Variants in EPC1 observed in about 807,000 individuals in gnomAD.
EPC1 encodes enhancer of polycomb homolog 1.
A neutral mutation model predicts 98.4 loss-of-function variants in EPC1; 12 were observed. That is an observed-to-expected ratio of 0.12 (90% CI 0.08 to 0.20). The LOEUF (loss-of-function observed/expected upper bound fraction) is 0.20. EPC1 is among the 10% of genes least tolerant of loss of function. The pLI, the probability that EPC1 is intolerant of heterozygous loss-of-function variation, is 1.00. For synonymous variants in EPC1, 357 were observed against 363.9 expected, an observed-to-expected ratio of 0.98 and a Z score of 0.21; for missense variants, 729 against 990.5, an observed-to-expected ratio of 0.74 and a Z score of 3.54.
At chr10:32,326,290 G>A (rs1013015117) in intron 1 of EPC1, among the ~76,000 whole-genome samples, 2 of 152,098 alleles carry the variant, frequency 1.3e-5, no homozygotes, top group Non-Finnish European at 2.9e-5. Context: ...CTGGCCAATT[G>A]TAAGTCAAAG....
chr10:32,323,999 G>A (rs1444425511), intron 1 of EPC1, among the ~76,000 whole-genome samples: 1 of 152,008 alleles, frequency 6.6e-6, no homozygotes, highest in Non-Finnish European at 1.5e-5. Flanking sequence ...GCAGTGGCGC[G>A]ATCTCGGCTC....
chr10:32,289,493 G>A (rs1397241739), intron 6 of EPC1, among the ~76,000 whole-genome samples: 2 of 151,886 alleles, frequency 1.3e-5, no homozygotes, highest in East Asian at 1.9e-4. Context: ...ATTCAGGCTT[G>A]AAGGTCTGTT....
At chr10:32,365,447 A>C (rs1258097554) in intron 1 of EPC1, among the ~76,000 whole-genome samples, 2 of 152,252 alleles carry the variant, frequency 1.3e-5, no homozygotes, top group South Asian at 2.1e-4. Context: ...AAAAATACCA[A>C]CAACAACAAC....
rs72791650 is a variant in EPC1 at position 32,331,903 on chromosome 10, A to G, written c.153+14860T>C. ...CTCTGGCTTAAAATTTTGGTTTATT[A>G]AAATGTCTCATGTCCTTCCCATAAA... is the stretch of plus-strand genomic sequence containing the variant. On this transcript the variant is annotated intron_variant, in intron 1 of 13. Coordinates refer to ENST00000319778, the MANE Select transcript of EPC1 (RefSeq NM_001272004.3). Among the ~76,000 whole-genome samples, 1,313 of 152,332 alleles carry G rather than the reference A, an allele frequency of 8.6e-3. 7 individuals carry two copies. Among genetic ancestry groups the G allele is most frequent in the Non-Finnish European group, 0.014 (979 of 68,016 alleles).
chr10:32,272,219 A>C lies in EPC1; in HGVS notation c.1864-52T>G, dbSNP rs749260607. On this transcript the variant is annotated intron_variant, in intron 11 of 13. Transcript: ENST00000319778. ...AATCAGTATCACTTAGTATCAAATC[A>C]ATATCAAAACTACACATGCATACCA... The C allele has an allele frequency of 3.4e-6, 5 of 1,477,234 alleles. No individual in the cohort carries two copies. The East Asian group carries it at 1.2e-4, about 35-fold the overall frequency. The allele number at this position is 1,477,234 out of a possible 1,614,324, so 91.5% of individuals were successfully genotyped here. A position where few individuals can be genotyped will look rare whatever the true frequency, so the allele number is the denominator to read the frequency against.
chr10:32,272,886 T>G, intron 11 of EPC1: 1 of 708,604 alleles, frequency 1.4e-6, no homozygotes, highest in South Asian at 1.9e-5. Context: ...TGGGTGGGGT[T>G]ATATATTCAA....
chr10:32,287,623 A>AT (rs949706354), intron 6 of EPC1, among the ~76,000 whole-genome samples: 3 of 151,848 alleles, frequency 2.0e-5, no homozygotes, highest in South Asian at 2.1e-4. Flanking sequence ...CTAGAAGAGA[A>AT]TTTTTTTTTA....
chr10:32,331,894 T>G (rs1837662615), intron 1 of EPC1, among the ~76,000 whole-genome samples: 1 of 152,242 alleles, frequency 6.6e-6, no homozygotes, highest in South Asian at 2.1e-4. Context: ...CTTAAAATTT[T>G]GGTTTATTAA....
At chr10:32,326,832 C>T (rs964586267) in intron 1 of EPC1, among the ~76,000 whole-genome samples, 2 of 151,880 alleles carry the variant, frequency 1.3e-5, no homozygotes, top group African/African-American at 4.8e-5. Context: ...AAATGCAAAT[C>T]GACACCACAA....
At chr10:32,357,092 T>C (rs1394695246) in intron 1 of EPC1, among the ~76,000 whole-genome samples, 1 of 152,184 alleles carries the variant, frequency 6.6e-6, no homozygotes, top group Non-Finnish European at 1.5e-5. Context: ...CACTTTGAAG[T>C]CAAAAATCAG....
At chr10:32,317,747 T>G (rs1836640945) in intron 1 of EPC1, among the ~76,000 whole-genome samples, 1 of 152,214 alleles carries the variant, frequency 6.6e-6, no homozygotes, top group Non-Finnish European at 1.5e-5. Flanking sequence ...AAAAGAGCAA[T>G]TTAATATCTA....
chr10:32,314,312 C>T lies in EPC1; in HGVS notation c.154-8381G>A, dbSNP rs1409920364. 3.3e-5 allele frequency among the ~76,000 whole-genome samples: 5 copies of T among 152,144 alleles called. No homozygotes were observed. In the East Asian group the frequency reaches 9.6e-4, roughly 29 times the overall value. On this transcript the variant is annotated intron_variant, in intron 1 of 13. Transcript: ENST00000319778. ...ACAATAAAAAGAGGATGAGAAAACA[C>T]TGAACAACAATCTTTAGAAAGTTCA...
chr10:32,273,582 T>A (rs1040357341), intron 10 of EPC1, among the ~76,000 whole-genome samples: 8 of 152,198 alleles, frequency 5.3e-5, no homozygotes, highest in Admixed American at 5.2e-4. Flanking sequence ...TGACACTTGT[T>A]CTACACAGTG....
chr10:32,317,542 TGAGGAA>T (rs1316656808), intron 1 of EPC1, among the ~76,000 whole-genome samples: 10 of 152,134 alleles, frequency 6.6e-5, no homozygotes, highest in African/African-American at 2.2e-4. Flanking sequence ...CTTGGGAGGC[TGAGGAA>T]GGAGACTTGC....
upstream of EPC1, among the ~76,000 whole-genome samples, chr10:32,347,957 A>C (rs11008897): frequency 0.013 from 1,993 of 152,360 alleles, 50 homozygotes; most frequent in African/African-American, 0.046. Flanking sequence ...CTTTTTAAAT[A>C]GTAACTGAAG....
chr10:32,346,682 T>C lies in EPC1; in HGVS notation c.153+81A>G. Reference sequence around the variant, plus strand: ...AAGAGAAGATGGCGGCCATTTTGTGTGGGTTTGCTGCTCCGCCGCCGCCGC... The same window carrying C: ...AAGAGAAGATGGCGGCCATTTTGTGCGGGTTTGCTGCTCCGCCGCCGCCGC... On this transcript the variant is annotated intron_variant, in intron 1 of 13. Coordinates refer to ENST00000319778, the MANE Select transcript of EPC1 (RefSeq NM_001272004.3). 6 of 1,360,940 alleles carry C rather than the reference T, an allele frequency of 4.4e-6. No homozygotes were observed. The South Asian group carries it at 4.9e-5, about 11-fold the overall frequency. 84.3% of individuals were successfully genotyped at this position (1,360,940 alleles called of 1,614,324 possible).
chr10:32,278,094 T>C (rs1389554412), intron 10 of EPC1, among the ~76,000 whole-genome samples: 1 of 152,176 alleles, frequency 6.6e-6, no homozygotes, highest in Admixed American at 6.5e-5. Flanking sequence ...TACACTTTTT[T>C]TTTTTGAGAG....
At chr10:32,338,868 G>A (rs1441282869) in intron 1 of EPC1, among the ~76,000 whole-genome samples, 2 of 150,470 alleles carry the variant, frequency 1.3e-5, no homozygotes, top group Non-Finnish European at 3.0e-5. Flanking sequence ...AGCCCAGGAG[G>A]CTGAGGCTGC....
At chr10:32,315,591 C>T (rs1420174130) in intron 1 of EPC1, among the ~76,000 whole-genome samples, 2 of 152,146 alleles carry the variant, frequency 1.3e-5, no homozygotes, top group African/African-American at 2.4e-5. Context: ...GTTTAAATCC[C>T]TGAATATTTA....
Sources: allele counts gnomAD v4.1 joint callset (sites outside exome capture counted in the v4.1 genomes callset), GRCh38; gene constraint gnomAD v4.1.1; transcripts MANE v1.5; gene names NCBI Gene and HGNC (gene_info 2026-07-23, HGNC 2026-07-21).